CCDC158: variants seen among roughly 807,000 people sequenced by gnomAD.
CCDC158 encodes coiled-coil domain-containing protein 158.
In CCDC158, 116 loss-of-function variants were observed where a neutral mutation model predicts 138.6. The ratio of observed to expected loss-of-function variants is 0.84; its 90% CI spans 0.72 to 0.98. The LOEUF is 0.98. Among genes scored for constraint, CCDC158 ranks in the 50% least tolerant of loss-of-function variants. The pLI, the probability that CCDC158 is intolerant of heterozygous loss-of-function variation, is 0.00. For synonymous variants in CCDC158, 436 were observed against 442.4 expected (o/e 0.99, Z 0.18); for missense variants, 1,265 against 1,306.1 (o/e 0.97, Z 0.48).
intron 24 of CCDC158, among the ~76,000 whole-genome samples, chr4:76,322,635 TA>T (rs1246555212): frequency 6.6e-6 from 1 of 152,202 alleles, no homozygotes; most frequent in Non-Finnish European, 1.5e-5. Flanking sequence ...AAAGATGGCA[TA>T]AAAAATGTAC....
chr4:76,337,826 C>T (rs778652116), intron 18 of CCDC158, among the ~76,000 whole-genome samples: 2 of 152,154 alleles, frequency 1.3e-5, no homozygotes, highest in African/African-American at 2.4e-5. Flanking sequence ...TAAACACATG[C>T]TCTTCCTGAA....
intron 12 of CCDC158, among the ~76,000 whole-genome samples, chr4:76,362,971 CAT>C (rs1416522240): frequency 6.6e-6 from 1 of 152,136 alleles, no homozygotes; most frequent in Non-Finnish European, 1.5e-5. Context: ...AAAGAGTTCA[CAT>C]AGCAGGTTTG....
chr4:76,413,074 G>C (rs563667781), intron 1 of CCDC158, among the ~76,000 whole-genome samples: 2 of 151,972 alleles, frequency 1.3e-5, no homozygotes, highest in African/African-American at 4.8e-5. Context: ...TAATTGGGTA[G>C]AGAAACTTCT....
intron 24 of CCDC158, among the ~76,000 whole-genome samples, chr4:76,319,600 A>G (rs1359923356): frequency 6.7e-6 from 1 of 149,438 alleles, no homozygotes. Flanking sequence ...ACCATGATCA[A>G]GTGGGTTTCA....
chr4:76,345,122 C>A (rs1722417630), intron 18 of CCDC158: 2 of 1,134,026 alleles, frequency 1.8e-6, no homozygotes, highest in Admixed American at 3.4e-5. Flanking sequence ...ACACTGCAGC[C>A]TGCTTACATT....
At chr4:76,324,191 A>G (rs1720308174) in intron 23 of CCDC158, among the ~76,000 whole-genome samples, 1 of 150,466 alleles carries the variant, frequency 6.6e-6, no homozygotes, top group Admixed American at 6.6e-5. Flanking sequence ...TTTCTTGGAG[A>G]GTTTCTTTTT....
chr4:76,376,003 T>A (rs1396563590), intron 9 of CCDC158, among the ~76,000 whole-genome samples: 1 of 152,148 alleles, frequency 6.6e-6, no homozygotes, highest in East Asian at 1.9e-4. Context: ...TCATAAAACA[T>A]GTTGATGTTT....
intron 13 of CCDC158, among the ~76,000 whole-genome samples, 155 bp from the exon 14 acceptor site, chr4:76,357,681 T>C (rs1297675204): frequency 6.6e-6 from 1 of 152,222 alleles, no homozygotes; most frequent in Non-Finnish European, 1.5e-5. Context: ...GAGATGTACA[T>C]ACACAATTCC....
intron 24 of CCDC158, among the ~76,000 whole-genome samples, chr4:76,313,704 A>T (rs1374991914): frequency 6.6e-6 from 1 of 152,194 alleles, no homozygotes; most frequent in African/African-American, 2.4e-5. Flanking sequence ...CTGCTCCCTC[A>T]ATCTGCTGGA....
At chr4:76,387,102 A>G (rs10032972) in intron 4 of CCDC158, among the ~76,000 whole-genome samples, 4,487 of 152,260 alleles carry the variant, frequency 0.029, 222 homozygotes, top group African/African-American at 0.1. Flanking sequence ...TGTGGCTAAG[A>G]GAGTGCTTGC....
chr4:76,417,553 G>A (rs28661165), intron 1 of CCDC158, among the ~76,000 whole-genome samples: 3,786 of 152,114 alleles, frequency 0.025, 152 homozygotes, highest in African/African-American at 0.086. Context: ...TCATGGGAGC[G>A]ACCCAGGGGG....
At chr4:76,390,071 CTGTA>C (rs1452096754) in intron 4 of CCDC158, among the ~76,000 whole-genome samples, 1 of 152,028 alleles carries the variant, frequency 6.6e-6, no homozygotes, top group African/African-American at 2.4e-5. Context: ...CAATATAACA[CTGTA>C]ATTGTGGTGT....
At chr4:76,319,764 G>A (rs1719832070) in intron 24 of CCDC158, among the ~76,000 whole-genome samples, 1 of 151,682 alleles carries the variant, frequency 6.6e-6, no homozygotes, top group Admixed American at 6.6e-5. Flanking sequence ...AAAACCCTCG[G>A]CAAAATCGGC....
chr4:76,327,302 G>T (rs980719024), intron 22 of CCDC158, among the ~76,000 whole-genome samples: 3 of 152,082 alleles, frequency 2.0e-5, no homozygotes, highest in Admixed American at 1.3e-4. Flanking sequence ...TTAAGAATTT[G>T]CAATTATTTT....
At chr4:76,420,222 G>A (rs1730005247) in intron 1 of CCDC158, among the ~76,000 whole-genome samples, 1 of 151,846 alleles carries the variant, frequency 6.6e-6, no homozygotes, top group South Asian at 2.1e-4. Flanking sequence ...CATGTCTCTG[G>A]GATATGTGGA....
At position 76,384,391 on chromosome 4, in the gene CCDC158, C is replaced by T. The variant is rs745891494; in HGVS notation, c.423G>A (p.Glu141=). Residue 141 remains glutamate (E), a synonymous_variant, in exon 6 of 25, where the codon GAG becomes GAA. Coordinates refer to ENST00000682701, the MANE Select transcript of CCDC158 (RefSeq NM_001394954.1). ...TATTTTGAAGCTGATTTCTTAAATC[C>T]TCCTGGGACTGACTCTCCCTTCGTC... ...DIRRRESQSQ[E]DLRNQLQNTV... 6 of 1,612,734 alleles carry T rather than the reference C, an allele frequency of 3.7e-6. No homozygotes were observed. In the East Asian group the frequency reaches 1.3e-4, roughly 36 times the overall value.
At chr4:76,361,983 T>C (rs1044248611) in intron 13 of CCDC158, 143 bp downstream of exon 13, 2 of 605,884 alleles carry the variant, frequency 3.3e-6, no homozygotes, top group Non-Finnish European at 5.6e-6. Flanking sequence ...TTTCATGCTA[T>C]GAATAACTCC....
intron 11 of CCDC158, among the ~76,000 whole-genome samples, chr4:76,369,134 G>A (rs1724978018): frequency 6.6e-6 from 1 of 152,172 alleles, no homozygotes; most frequent in Non-Finnish European, 1.5e-5. Context: ...AGAATTGCTT[G>A]AATCCGGGAG....
In CCDC158 at chr4:76,359,096, T is replaced by TTCTC. The variant is rs35311653; in HGVS notation, c.2021-1574_2021-1571dup. 9.4e-5 allele frequency among the ~76,000 whole-genome samples: 14 copies of TTCTC among 149,208 alleles called. No homozygotes were observed. In the East Asian group the frequency reaches 1.4e-3, roughly 15 times the overall value. ...TTTGAAAGTGTGTAGCACCTCCCTCTTCTCTCTCTCTCTCTCTCTCTACTG... is the reference window on the plus strand; with the variant it reads ...TTTGAAAGTGTGTAGCACCTCCCTCTTCTCTCTCTCTCTCTCTCTCTCTCTACTG... On this transcript the variant is annotated intron_variant, in intron 13 of 24. Transcript: ENST00000682701.
Sources: allele counts gnomAD v4.1 joint callset (sites outside exome capture counted in the v4.1 genomes callset), GRCh38; gene constraint gnomAD v4.1.1; transcripts MANE v1.5; gene names NCBI Gene and HGNC (gene_info 2026-07-23, HGNC 2026-07-21).